ATG9B: variants seen among roughly 807,000 people sequenced by gnomAD.
ATG9B encodes the protein autophagy-related protein 9B.
In ATG9B, 92 loss-of-function variants were observed where a neutral mutation model predicts 92.9. The observed-to-expected ratio is 0.99, with a 90% CI of 0.84 to 1.18. The LOEUF is 1.18. Among genes scored for constraint, ATG9B ranks in the 50% most tolerant of loss-of-function variants. The pLI, the probability that ATG9B is intolerant of heterozygous loss-of-function variation, is 0.00. For synonymous variants in ATG9B, 599 were observed against 551.4 expected (o/e 1.09, Z -1.21); for missense variants, 1,344 against 1,235.0 (o/e 1.09, Z -1.32).
At position 151,018,859 on chromosome 7, in the gene ATG9B, G is replaced by A. The variant is rs1029305225; in HGVS notation, c.1479C>T (p.Asn493=). 1 of 1,329,424 alleles carries A rather than the reference G, an allele frequency of 7.5e-7. No homozygotes were observed. The highest frequency in any genetic ancestry group is 9.6e-7 in the Non-Finnish European group (1 of 1,044,588). 82.4% of individuals were successfully genotyped at this position (1,329,424 alleles called of 1,614,324 possible). The change falls in exon 6 of 14, where the codon AAC becomes AAT. Residue 493 remains asparagine, a synonymous_variant. Coordinates refer to ENST00000639579, the MANE Select transcript of ATG9B (RefSeq NM_001317056.2). The surrounding 1 kb of genome is among the most constrained non-coding windows in gnomAD (Gnocchi z 4.7). ...GCGCGCGCAGCTCGTGCGGCAGCTC[G>A]TTGAAGTGGCGCAGCTGCAAGCGCG... is the stretch of plus-strand genomic sequence containing the variant. ...RLARLQLRHF[N]ELPHELRARL...
downstream of ATG9B, chr7:151,014,313 T>A: frequency 1.1e-6 from 1 of 913,150 alleles, no homozygotes. Flanking sequence ...GCATTATTCC[T>A]CCAGGAAGGA....
Position 151,016,139 on chromosome 7 carries a change from C to T in ATG9B, c.2617G>A (p.Asp873Asn), listed in dbSNP as rs1401397182. The change falls in exon 12 of 14, where the codon GAT (aspartate) becomes AAT (asparagine). Residue 873 changes from aspartate (D) to asparagine (N), a missense_variant. By Grantham distance (23) the Asp-to-Asn change is conservative. Transcript: ENST00000639579. Reference protein sequence around the residue: ...CSSPSQPPSPDEEKPSWSSDG... With the variant: ...CSSPSQPPSPNEEKPSWSSDG... Reference sequence around the variant, plus strand: ...CTTGACCAGGATGGCTTCTCCTCATCAGGCGAGGGTGGCTGTGAGGGGCTG... The same window carrying T: ...CTTGACCAGGATGGCTTCTCCTCATTAGGCGAGGGTGGCTGTGAGGGGCTG... 5.2e-6 allele frequency: 8 copies of T among 1,540,554 alleles called. No homozygotes were observed. The highest frequency in any genetic ancestry group is 7.0e-6 in the Non-Finnish European group (8 of 1,140,612).
downstream of ATG9B, chr7:151,013,518 A>G: frequency 8.2e-7 from 1 of 1,219,542 alleles, no homozygotes; most frequent in Non-Finnish European, 1.1e-6. Context: ...ACTCTGGCCC[A>G]CCCTTGTGCC....
rs761523783 is a variant in ATG9B, at chr7:151,023,967, G to T, written c.457C>A (p.Arg153=). 3 of 1,590,276 alleles carry T rather than the reference G, an allele frequency of 1.9e-6. No individual in the cohort carries two copies. Among genetic ancestry groups the T allele is most frequent in the Admixed American group, 3.6e-5 (2 of 56,078 alleles). ...CCCTCAGGGTCACAGTCCTCCAGCC[G>T]CTCATAATCCTGTTCAGGGATCAAA... is the stretch of plus-strand genomic sequence containing the variant. The part of the protein sequence containing the change: ...GPLIPEQDYE[R]LEDCDPEGSQ... Residue 153 remains arginine, a synonymous_variant, in exon 1 of 14, where the codon CGG becomes AGG. Transcript: ENST00000639579.
rs765769745 is a variant in ATG9B at position 151,017,933 on chromosome 7, C to G, written c.1990G>C (p.Ala664Pro). 1.2e-6 allele frequency: 2 copies of G among 1,609,986 alleles called. No homozygotes were observed. The highest frequency in any genetic ancestry group is 2.2e-5 in the South Asian group (2 of 90,076). The change falls in exon 8 of 14, where the codon GCT becomes CCT. Residue 664 changes from alanine (A) to proline (P), a missense_variant. Ala to Pro is a conservative substitution (Grantham distance 27). Transcript: ENST00000639579. ...DFFHHFTVDV[A>P]GVGDICSFAL... The stretch of plus-strand genomic sequence containing the variant: ...AAGGAACAGATGTCCCCAACCCCAG[C>G]CACATCCACAGTGAAGTGATGAAAA...
intron 5 of ATG9B, chr7:151,019,706 GC>G: frequency 3.6e-6 from 1 of 276,452 alleles, no homozygotes; most frequent in East Asian, 6.2e-5. Flanking sequence ...AGGGCCTGAG[GC>G]CCCCTCAGTT....
At chr7:151,013,721 C>A, downstream of ATG9B, 1 of 1,596,554 alleles carries the variant, frequency 6.3e-7, no homozygotes, top group Non-Finnish European at 8.5e-7. Context: ...CGCCGCCCCG[C>A]AGACCTACGT....
intron 9 of ATG9B, 72 bp from the exon 10 acceptor site, chr7:151,016,893 C>T: frequency 6.5e-7 from 1 of 1,547,520 alleles, no homozygotes; most frequent in Admixed American, 1.9e-5. Flanking sequence ...AGGGAGGAAG[C>T]AGAGGCCTAA....
intron 10 of ATG9B, 61 bp from the exon 11 acceptor site, chr7:151,016,588 C>T: frequency 6.5e-7 from 1 of 1,544,590 alleles, no homozygotes; most frequent in East Asian, 2.5e-5. Context: ...CCCCAGAGGA[C>T]TCCCCTTCTG....
rs1246115564 is a variant in ATG9B, at chr7:151,019,229, G to A, written c.1109C>T (p.Ala370Val). The A allele has an allele frequency of 6.5e-7, 1 of 1,549,562 alleles. No homozygotes were observed. Among genetic ancestry groups the A allele is most frequent in the Admixed American group, 1.9e-5 (1 of 52,212 alleles). ...RILRYTNYQV[A>V]LANKGLLPAR... ...CGGCAGCAGGCCTTTGTTGGCCAGC[G>A]CCACCTGGTAGTTGGTGTAGCGCAG... Residue 370 changes from alanine (A) to valine (V), a missense_variant, in exon 6 of 14, where the codon GCG (alanine) becomes GTG (valine). Physicochemically the swap from Ala to Val is moderately conservative, Grantham distance 64 (BLOSUM62 0). Coordinates refer to ENST00000639579, the MANE Select transcript of ATG9B (RefSeq NM_001317056.2).
At chr7:151,013,891 G>A (rs963828232), downstream of ATG9B, 1 of 1,600,504 alleles carries the variant, frequency 6.2e-7, no homozygotes, top group African/African-American at 1.3e-5. Flanking sequence ...AGCTGGACGA[G>A]GCCGGCGACG....
rs780473953 is a variant in ATG9B, at chr7:151,017,253, G to A, written c.2072C>T (p.Thr691Ile). The A allele has an allele frequency of 1.2e-6, 2 of 1,600,390 alleles. No individual in the cohort carries two copies. The highest frequency in any genetic ancestry group is 3.4e-5 in the Admixed American group (2 of 59,210). Residue 691 changes from threonine (T) to isoleucine (I), a missense_variant, in exon 9 of 14, where the codon ACT becomes ATT. Physicochemically the swap from Thr to Ile is moderately conservative, Grantham distance 89. Coordinates refer to ENST00000639579, the MANE Select transcript of ATG9B (RefSeq NM_001317056.2). ...GHPQWLSAGQ[T>I]EASLSQRAED... is the part of the protein sequence containing the mutation. ...CGCACGCTGAGACAGCGAGGCCTCA[G>A]TCTGTCCCGCCGAGAGCCACTGTGA...
At position 151,023,166 on chromosome 7, in the gene ATG9B, G is replaced by A. The variant is rs781445782; in HGVS notation, c.700C>T (p.Arg234Ter). The change falls in exon 4 of 14, where the codon CGA becomes TGA. Residue 234 changes from arginine to a stop codon, truncating the protein, a stop_gained. Transcript: ENST00000639579. LOFTEE classifies it high-confidence loss of function. ...FIVTFTTFLL[R>*]CVDYNVLFAN... ...AAGAGAACATTGTAATCCACGCATC[G>A]AAGGAGGAAGGTTGTGAAGGTGACA... is the stretch of plus-strand genomic sequence containing the variant. 20 of 1,614,068 alleles carry A rather than the reference G, an allele frequency of 1.2e-5. No homozygotes were observed. The highest frequency in any genetic ancestry group is 5.0e-5 in the Admixed American group (3 of 60,008).
rs766958112 is a variant in ATG9B at position 151,019,052 on chromosome 7, C to A, written c.1286G>T (p.Gly429Val). 1.3e-6 allele frequency: 2 copies of A among 1,537,350 alleles called. No individual in the cohort carries two copies. Among genetic ancestry groups the A allele is most frequent in the South Asian group, 2.4e-5 (2 of 83,872 alleles). Residue 429 changes from glycine (G) to valine (V), a missense_variant, in exon 6 of 14, where the codon GGC (glycine) becomes GTC (valine). Coordinates refer to ENST00000639579, the MANE Select transcript of ATG9B (RefSeq NM_001317056.2). ...PHAYKRSDQR[G>V]ALAARWGRTV... ...GCGCCCCCAGCGCGCTGCTAGGGCG[C>A]CCCGCTGGTCGCTGCGCTTGTAGGC...
rs1795503238 is a variant in ATG9B at position 151,016,679 on chromosome 7, A to C, written c.2423+9T>G. On this transcript the variant is annotated intron_variant, in intron 10 of 13. Coordinates refer to ENST00000639579, the MANE Select transcript of ATG9B (RefSeq NM_001317056.2). The stretch of plus-strand genomic sequence containing the variant: ...CACATGCCCCTGCATCTCAGCCTCC[A>C]CTCCTCACCTGGGGTCCTGGGCAAT... 1 of 1,564,632 alleles carries C rather than the reference A, an allele frequency of 6.4e-7. No individual in the cohort carries two copies. The highest frequency in any genetic ancestry group is 1.2e-5 in the South Asian group (1 of 86,550).
chr7:151,014,199 G>A, downstream of ATG9B: 1 of 1,578,150 alleles, frequency 6.3e-7, no homozygotes, highest in South Asian at 1.1e-5. Context: ...TCCAGTTCCG[G>A]GAGAGCGGCT....
At chr7:151,014,600 GTT>G (rs1265349762), downstream of ATG9B, 203 of 145,604 alleles carry the variant, frequency 1.4e-3, 1 homozygote, top group African/African-American at 4.9e-3. Flanking sequence ...GTGGATTACA[GTT>G]TTTTTTTTTT....
rs1037349977 is a variant in ATG9B, at chr7:151,015,605, C to G, written c.*123G>C. ...CGAGTTCCTCACTGACTCCCAGGTC[C>G]TGCCCAACTAAAGCACCTGGGCCTG... On this transcript the variant is annotated 3_prime_UTR_variant, in exon 14 of 14. Coordinates refer to ENST00000639579, the MANE Select transcript of ATG9B (RefSeq NM_001317056.2). The G allele has an allele frequency of 1.8e-5, 6 of 329,758 alleles. No individual in the cohort carries two copies. Among genetic ancestry groups the G allele is most frequent in the African/African-American group, 1.3e-4 (6 of 46,902 alleles). 20.4% of individuals were successfully genotyped at this position (329,758 alleles called of 1,614,324 possible). A position where few individuals can be genotyped will look rare whatever the true frequency, so the allele number is the denominator to read the frequency against.
At chr7:151,016,988 G>T in intron 9 of ATG9B, 48 bp downstream of exon 9, 1 of 1,542,026 alleles carries the variant, frequency 6.5e-7, no homozygotes, top group Non-Finnish European at 8.8e-7. Context: ...GGTTTGGAGA[G>T]GAGTTGTGGG....
Sources: gnomAD v4.1 joint callset for allele counts on GRCh38, gnomAD v4.1.1 for gene constraint, Gnocchi (gnomAD v3.1) non-coding constraint, MANE v1.5 for transcripts, NCBI Gene and HGNC (gene_info 2026-07-23, HGNC 2026-07-21) for gene names.